The following COL11A1 variants were observed in gnomAD, a reference collection of about 807,000 sequenced individuals.
The protein encoded by COL11A1 is collagen type XI alpha 1 chain, also known as collagen alpha-1(XI) chain.
In COL11A1, 74 loss-of-function variants were observed where a neutral mutation model predicts 265.2. The observed-to-expected ratio is 0.28, with a 90% CI of 0.23 to 0.34. COL11A1 has a LOEUF of 0.34. COL11A1 is among the 10% of genes least tolerant of loss of function. The pLI, the probability that COL11A1 is intolerant of heterozygous loss-of-function variation, is 1.00. For synonymous variants in COL11A1, 816 were observed against 727.6 expected (o/e 1.12, Z -1.96); for missense variants, 2,165 against 2,263.6 (o/e 0.96, Z 0.88).
intron 1 of COL11A1, among the ~76,000 whole-genome samples, chr1:103,096,511 T>C (rs962197090): frequency 6.6e-6 from 1 of 151,932 alleles, no homozygotes; most frequent in African/African-American, 2.4e-5. Flanking sequence ...ATACTAAATG[T>C]GAGATGACTT....
chr1:103,108,201 T>A lies in COL11A1; in HGVS notation c.-23A>T. 1 of 1,603,828 alleles carries A rather than the reference T, an allele frequency of 6.2e-7. No homozygotes were observed. Among genetic ancestry groups the A allele is most frequent in the Non-Finnish European group, 8.5e-7 (1 of 1,171,468 alleles). On this transcript the variant is annotated 5_prime_UTR_variant, in exon 1 of 67. Transcript: ENST00000370096. Reference sequence around the variant, plus strand: ...CATCTCCGAGCCCCGCACTCACAACTGTGAACTCAACCCACGAAATTGCGA... The same window carrying A: ...CATCTCCGAGCCCCGCACTCACAACAGTGAACTCAACCCACGAAATTGCGA...
At chr1:102,932,422 CA>C (rs1657583348) in intron 46 of COL11A1, among the ~76,000 whole-genome samples, 1 of 152,180 alleles carries the variant, frequency 6.6e-6, no homozygotes, top group African/African-American at 2.4e-5. Context: ...TATTGGCCCC[CA>C]CTCTCTTCTG....
intron 5 of COL11A1, among the ~76,000 whole-genome samples, chr1:103,029,514 C>G (rs1292538076): frequency 6.6e-6 from 1 of 151,778 alleles, no homozygotes; most frequent in African/African-American, 2.4e-5. Flanking sequence ...GAAGGATCAA[C>G]ATAATTTAGA....
intron 28 of COL11A1, among the ~76,000 whole-genome samples, chr1:102,993,857 T>G (rs1664362994): frequency 6.6e-6 from 1 of 152,134 alleles, no homozygotes; most frequent in Non-Finnish European, 1.5e-5. Context: ...ATTTTTTAAT[T>G]TAATTTTTTG....
chr1:103,036,656 TG>T (rs1279851397), intron 4 of COL11A1, among the ~76,000 whole-genome samples: 2 of 151,996 alleles, frequency 1.3e-5, no homozygotes, highest in African/African-American at 4.8e-5. Context: ...GTTAATCGTA[TG>T]ACATGTTTTA....
chr1:103,017,601 G>C (rs990311625), intron 11 of COL11A1, among the ~76,000 whole-genome samples: 1 of 152,050 alleles, frequency 6.6e-6, no homozygotes, highest in Non-Finnish European at 1.5e-5. Context: ...TGAAATAAAA[G>C]TTTTCTTACT....
In COL11A1 at chr1:102,913,823, T is replaced by G. The variant is rs371981879; in HGVS notation, c.3979-133A>C. Reference sequence around the variant, plus strand: ...ATGGACAAGTAAAATCATTATATTCTTTTAACCTTTTTTAAAAAGATTGTG... The same window carrying G: ...ATGGACAAGTAAAATCATTATATTCGTTTAACCTTTTTTAAAAAGATTGTG... On this transcript the variant is annotated intron_variant, in intron 52 of 66. Coordinates refer to ENST00000370096, the MANE Select transcript of COL11A1 (RefSeq NM_001854.4). The G allele has an allele frequency of 1.4e-4, 114 of 830,268 alleles. No individual in the cohort carries two copies. The East Asian group carries it at 2.2e-3, about 16-fold the overall frequency. The allele number at this position is 830,268 out of a possible 1,614,324, so 51.4% of individuals were successfully genotyped here. A position where few individuals can be genotyped will look rare whatever the true frequency, so the allele number is the denominator to read the frequency against.
chr1:102,965,909 T>C (rs898291704), intron 37 of COL11A1, among the ~76,000 whole-genome samples: 1 of 152,214 alleles, frequency 6.6e-6, no homozygotes, highest in Non-Finnish European at 1.5e-5. Flanking sequence ...TGATTGTTTA[T>C]ACAAAGGTAA....
intron 54 of COL11A1, among the ~76,000 whole-genome samples, chr1:102,908,613 T>G (rs932872684): frequency 6.6e-6 from 1 of 152,128 alleles, no homozygotes; most frequent in Non-Finnish European, 1.5e-5. Context: ...CCAGCAGAAT[T>G]TTTTCAATAG....
In COL11A1 at chr1:103,065,212, G is replaced by T. The variant is rs897875482; in HGVS notation, c.651+9406C>A. On this transcript the variant is annotated intron_variant, in intron 4 of 66. Transcript: ENST00000370096. ...GAACCTACACCTACTCTAAAATAAA[G>T]ATTGTTTATTAACAACAACAGCAAT... 1.1e-4 allele frequency among the ~76,000 whole-genome samples: 16 copies of T among 152,054 alleles called. No individual in the cohort carries two copies. In the East Asian group the frequency reaches 3.1e-3, roughly 29 times the overall value.
chr1:103,068,186 T>G (rs1671299364), intron 4 of COL11A1, among the ~76,000 whole-genome samples: 1 of 151,664 alleles, frequency 6.6e-6, no homozygotes, highest in Non-Finnish European at 1.5e-5. Context: ...GACTAAAACT[T>G]TTTAAAGATA....
chr1:103,060,462 G>A (rs1670585543), intron 4 of COL11A1, among the ~76,000 whole-genome samples: 1 of 152,142 alleles, frequency 6.6e-6, no homozygotes, highest in East Asian at 1.9e-4. Context: ...ATTATTAATT[G>A]ATCTAAGGTA....
intron 29 of COL11A1, 67 bp from the exon 30 acceptor site, chr1:102,987,807 AATT>A: frequency 8.5e-7 from 1 of 1,177,234 alleles, no homozygotes; most frequent in Non-Finnish European, 1.3e-6. Context: ...ACAGGGAAAA[AATT>A]ATGACAGTGA....
intron 4 of COL11A1, among the ~76,000 whole-genome samples, chr1:103,069,553 C>T (rs147484813): frequency 0.014 from 2,185 of 151,608 alleles, 41 homozygotes; most frequent in African/African-American, 0.05. Flanking sequence ...ATAAATTAAA[C>T]TTTATCAAAA....
intron 54 of COL11A1, among the ~76,000 whole-genome samples, chr1:102,909,622 G>A (rs1186716200): frequency 6.6e-6 from 1 of 151,986 alleles, no homozygotes; most frequent in Non-Finnish European, 1.5e-5. Flanking sequence ...ATTAACTCAT[G>A]TTTTAAAATT....
chr1:102,898,466 G>A (rs2100920898), intron 56 of COL11A1, among the ~76,000 whole-genome samples, 200 bp downstream of exon 56: 1 of 151,820 alleles, frequency 6.6e-6, no homozygotes, highest in South Asian at 2.1e-4. Flanking sequence ...ATAAGTTAGT[G>A]TTTCACCATG....
chr1:103,001,994 A>G (rs757160724), intron 23 of COL11A1, 25 bp from the exon 24 acceptor site: 27 of 1,584,860 alleles, frequency 1.7e-5, no homozygotes, highest in Non-Finnish European at 2.3e-5. Context: ...TTTATTTCAT[A>G]TATCAGATAT....
At chr1:102,959,409 C>T (rs143801176) in intron 41 of COL11A1, among the ~76,000 whole-genome samples, 630 of 47,882 alleles carry the variant, frequency 0.013, 4 homozygotes, top group African/African-American at 0.037. Flanking sequence ...TTTTCTCGCT[C>T]TTCAACGATT....
chr1:103,012,407 A>G lies in COL11A1; in HGVS notation c.1629+6T>C. ...AACATATATTATCTTTGTTGGGGTA[A>G]CCTACCACAGGACCTGGTCTTCCAG... On this transcript the variant is annotated splice_donor_region_variant and intron_variant, in intron 14 of 66. Coordinates refer to ENST00000370096, the MANE Select transcript of COL11A1 (RefSeq NM_001854.4). The G allele has an allele frequency of 1.2e-6, 2 of 1,612,024 alleles. No individual in the cohort carries two copies. The highest frequency in any genetic ancestry group is 1.7e-6 in the Non-Finnish European group (2 of 1,178,270).
Sources: allele counts gnomAD v4.1 joint callset (sites outside exome capture counted in the v4.1 genomes callset), GRCh38; gene constraint gnomAD v4.1.1; transcripts MANE v1.5; gene names NCBI Gene and HGNC (gene_info 2026-07-23, HGNC 2026-07-21).